Variants in RPL35 observed in about 807,000 individuals in gnomAD.
RPL35 encodes ribosomal protein L35.
RPL35 carries 2 observed loss-of-function variants against 15.6 expected under a neutral mutation model. That is an observed-to-expected ratio of 0.13 (90% confidence interval 0.05 to 0.40). RPL35 has a LOEUF of 0.40. RPL35 is among the 10% of genes least tolerant of loss of function. The probability of loss-of-function intolerance (pLI) is 0.99; values close to 1 mark genes in which losing one functional copy is unlikely to be tolerated. For synonymous variants in RPL35, 93 were observed against 67.9 expected (o/e 1.37, Z -1.82); for missense variants, 111 against 164.7 (o/e 0.67, Z 1.79).
chr9:124,860,879 C>T (rs982424766), intron 2 of RPL35: 1 of 158,994 alleles, frequency 6.3e-6, no homozygotes, highest in African/African-American at 2.4e-5. Flanking sequence ...TCTCACCTGT[C>T]AACCAGACTG....
At chr9:124,861,005 T>C (rs1829187958) in intron 2 of RPL35, 1 of 166,786 alleles carries the variant, frequency 6.0e-6, no homozygotes, top group Non-Finnish European at 1.3e-5. Flanking sequence ...CTAATTTTTT[T>C]TTGAGAAGTG....
rs137924808 is a variant in RPL35, at chr9:124,857,933, G to A, written c.357C>T (p.Tyr119=). 673 of 1,612,252 alleles carry A rather than the reference G, an allele frequency of 4.2e-4. 6 individuals are homozygous for A. In the African/African-American group the frequency reaches 5.4e-3, roughly 13 times the overall value. ...RKERLYPLRK[Y]AVKA ...AATGCGCCCCTCAGGCCTTGACCGC[G>A]TACTTCCGCAGCGGGTACAGCCGCT... is the stretch of plus-strand genomic sequence containing the variant. Residue 119 remains tyrosine (Y), a synonymous_variant, in exon 4 of 4, where the codon TAC becomes TAT. Transcript: ENST00000348462.
chr9:124,860,780 G>A (rs1829184329), intron 2 of RPL35, among the ~76,000 whole-genome samples: 1 of 152,136 alleles, frequency 6.6e-6, no homozygotes, highest in Non-Finnish European at 1.5e-5. Flanking sequence ...GTGTGCAACT[G>A]TGCTTGTCCA....
At chr9:124,860,025 G>A (rs1455305068) in intron 3 of RPL35, among the ~76,000 whole-genome samples, 158 bp downstream of exon 3, 1 of 152,190 alleles carries the variant, frequency 6.6e-6, no homozygotes, top group Non-Finnish European at 1.5e-5. Flanking sequence ...ACGTGCCAGT[G>A]CAAGACACTG....
chr9:124,861,189 C>G (rs980894245), intron 2 of RPL35: 2 of 534,436 alleles, frequency 3.7e-6, no homozygotes, highest in African/African-American at 3.9e-5. Context: ...TCCGGGTAGG[C>G]TTTGAAGGCA....
chr9:124,858,377 T>G, intron 3 of RPL35: 1 of 649,938 alleles, frequency 1.5e-6, no homozygotes, highest in Admixed American at 2.3e-5. Context: ...ACTGCCCGAT[T>G]CCCAGTCACG....
Position 124,858,241 on chromosome 9 carries a change from G to A in RPL35, c.223-174C>T, listed in dbSNP as rs1254015913. 34 of 644,348 alleles carry A rather than the reference G, an allele frequency of 5.3e-5. No individual in the cohort carries two copies. The South Asian group carries it at 6.5e-4, about 12-fold the overall frequency. 39.9% of individuals were successfully genotyped at this position (644,348 alleles called of 1,614,324 possible). On this transcript the variant is annotated intron_variant, in intron 3 of 3. Transcript: ENST00000348462. ...ATTAATCCCCCCAAATCTAAGGCTG[G>A]TGGGACCATCCTCATTTCATGTAAG...
At chr9:124,860,042 G>A (rs1473890280) in intron 3 of RPL35, 141 bp downstream of exon 3, 2 of 675,898 alleles carry the variant, frequency 3.0e-6, no homozygotes, top group East Asian at 5.4e-5. Flanking sequence ...ACTGGTAGAA[G>A]AGTGAGCCCA....
Position 124,861,945 on chromosome 9 carries a change from C to G in RPL35, c.-33G>C. 3.8e-6 allele frequency: 6 copies of G among 1,597,082 alleles called. No homozygotes were observed. Among genetic ancestry groups the G allele is most frequent in the Non-Finnish European group, 5.1e-6 (6 of 1,172,716 alleles). Reference sequence around the variant, plus strand: ...CAAGCCGCCAACGCCGCCGCCCGCTCCGAGGGAAAGAGGAAGTAGGCGGGG... The same window carrying G: ...CAAGCCGCCAACGCCGCCGCCCGCTGCGAGGGAAAGAGGAAGTAGGCGGGG... On this transcript the variant is annotated 5_prime_UTR_variant, in exon 1 of 4. Transcript: ENST00000348462.
rs757753056 is a variant in RPL35, at chr9:124,858,108, T to C, written c.223-41A>G. 4.4e-6 allele frequency: 7 copies of C among 1,598,026 alleles called. No individual in the cohort carries two copies. In the African/African-American group the frequency reaches 8.0e-5, roughly 18 times the overall value. ...CAGGGTGAATCCAAGGACCCAGGGC[T>C]GAGGAGCTACTGCAGCAGCTAAGGG... On this transcript the variant is annotated intron_variant, in intron 3 of 3. Coordinates refer to ENST00000348462, the MANE Select transcript of RPL35 (RefSeq NM_007209.4).
chr9:124,861,604 C>T, intron 1 of RPL35, 49 bp from the exon 2 acceptor site: 1 of 1,594,226 alleles, frequency 6.3e-7, no homozygotes, highest in Non-Finnish European at 8.5e-7. Flanking sequence ...GGCCATATCC[C>T]CTTCACCTGC....
At chr9:124,860,728 T>A (rs1829183750) in intron 2 of RPL35, among the ~76,000 whole-genome samples, 1 of 151,748 alleles carries the variant, frequency 6.6e-6, no homozygotes, top group Non-Finnish European at 1.5e-5. Flanking sequence ...GATGAGGGAG[T>A]CACCTAGTAG....
chr9:124,860,128 A>G, intron 3 of RPL35, 55 bp downstream of exon 3: 2 of 1,315,306 alleles, frequency 1.5e-6, no homozygotes, highest in Non-Finnish European at 2.2e-6. Context: ...CCGGCCAGGG[A>G]CGGCTAGCAC....
rs1829138907 is a variant in RPL35 at position 124,858,282 on chromosome 9, G to A, written c.223-215C>T. 5 of 618,844 alleles carry A rather than the reference G, an allele frequency of 8.1e-6. No homozygotes were observed. The South Asian group carries it at 9.8e-5, about 12-fold the overall frequency. 38.3% of individuals were successfully genotyped at this position (618,844 alleles called of 1,614,324 possible). ...TTCATGTAAGTCTGCTGACCTACTG[G>A]GCTGAGTGTCCAAGTCTTGGCAAAG... On this transcript the variant is annotated intron_variant, in intron 3 of 3. Coordinates refer to ENST00000348462, the MANE Select transcript of RPL35 (RefSeq NM_007209.4).
intron 3 of RPL35, chr9:124,858,473 C>CCG: frequency 1.4e-6 from 1 of 716,800 alleles, no homozygotes; most frequent in Non-Finnish European, 2.6e-6. Context: ...CTCTGGTTAG[C>CCG]AAGAGCATGC....
intron 1 of RPL35, 25 bp from the exon 2 acceptor site, chr9:124,861,580 C>T: frequency 6.2e-7 from 1 of 1,611,424 alleles, no homozygotes; most frequent in Non-Finnish European, 8.5e-7. Flanking sequence ...GAGTGTGCCT[C>T]AGCCAGGCCG....
At chr9:124,861,175 G>A (rs775619102) in intron 2 of RPL35, 3 of 479,872 alleles carry the variant, frequency 6.3e-6, no homozygotes, top group Admixed American at 3.9e-5. Context: ...GCGGAAGGAA[G>A]GGGTCCGGGT....
intron 1 of RPL35, 37 bp from the exon 2 acceptor site, chr9:124,861,592 G>A (rs750413925): frequency 3.7e-6 from 6 of 1,608,632 alleles, no homozygotes; most frequent in African/African-American, 2.7e-5. Flanking sequence ...GCCAGGCCGC[G>A]GGGCCATATC....
intron 2 of RPL35, chr9:124,861,044 A>C (rs1238833064): frequency 5.2e-6 from 1 of 191,388 alleles, no homozygotes; most frequent in African/African-American, 2.4e-5. Flanking sequence ...ATGAACTCCA[A>C]ACCCATGTTC....
Sources: allele counts gnomAD v4.1 joint callset (sites outside exome capture counted in the v4.1 genomes callset), GRCh38; gene constraint gnomAD v4.1.1; transcripts MANE v1.5; gene names NCBI Gene and HGNC (gene_info 2026-07-23, HGNC 2026-07-21).